ZNF385D: variants seen among roughly 807,000 people sequenced by gnomAD.
The protein encoded by ZNF385D is zinc finger protein 659.
In ZNF385D, 15 loss-of-function variants were observed where a neutral mutation model predicts 35.8. That is an observed-to-expected ratio of 0.42 (90% CI 0.28 to 0.64). The LOEUF (loss-of-function observed/expected upper bound fraction) is 0.64, where lower values mean the gene tolerates loss of function less well. ZNF385D is among the 30% of genes least tolerant of loss of function. The pLI is 0.23. For missense variants in ZNF385D, 474 were observed against 494.6 expected, an observed-to-expected ratio of 0.96 and a Z score of 0.39; for synonymous variants, 212 against 186.8, an observed-to-expected ratio of 1.13 and a Z score of -1.10.
intron 2 of ZNF385D, among the ~76,000 whole-genome samples, chr3:22,186,093 C>T (rs775652394): frequency 2.6e-5 from 4 of 152,110 alleles, no homozygotes; most frequent in Non-Finnish European, 5.9e-5. Flanking sequence ...TTTCCAAATT[C>T]TACTAGTTTT....
intron 3 of ZNF385D, among the ~76,000 whole-genome samples, chr3:22,123,791 G>A (rs1262583081): frequency 6.6e-6 from 1 of 152,014 alleles, no homozygotes; most frequent in Non-Finnish European, 1.5e-5. Context: ...GAACCCAAGA[G>A]GCGGAGGTTG....
At chr3:21,700,723 G>A (rs1268864193) in intron 1 of ZNF385D, among the ~76,000 whole-genome samples, 1 of 152,154 alleles carries the variant, frequency 6.6e-6, no homozygotes, top group Non-Finnish European at 1.5e-5. Flanking sequence ...CTTTTGGAAA[G>A]TTATTTAAAT....
At chr3:22,081,991 ATTT>A (rs67970020) in intron 3 of ZNF385D, among the ~76,000 whole-genome samples, 44,625 of 133,324 alleles carry the variant, frequency 0.33, 6,713 homozygotes, top group Non-Finnish European at 0.38. Context: ...GGGGTTTTCT[ATTT>A]TTTTTTTTTT....
At chr3:21,881,236 T>C (rs1226787109) in intron 3 of ZNF385D, among the ~76,000 whole-genome samples, 1 of 151,742 alleles carries the variant, frequency 6.6e-6, no homozygotes, top group African/African-American at 2.4e-5. Flanking sequence ...TTCATAGCTC[T>C]AAGGAAGTTA....
At chr3:22,132,015 G>A (rs1279796781) in intron 3 of ZNF385D, among the ~76,000 whole-genome samples, 1 of 152,132 alleles carries the variant, frequency 6.6e-6, no homozygotes, top group African/African-American at 2.4e-5. Flanking sequence ...TAGGAGAATT[G>A]CATTATATAA....
At chr3:21,659,180 A>T (rs2066161702) in intron 2 of ZNF385D, among the ~76,000 whole-genome samples, 2 of 152,072 alleles carry the variant, frequency 1.3e-5, no homozygotes, top group Admixed American at 6.6e-5. Context: ...ATGCCCAGTA[A>T]GTGAATCAGT....
intron 3 of ZNF385D, among the ~76,000 whole-genome samples, chr3:21,760,981 G>C (rs2070583445): frequency 6.6e-6 from 1 of 152,244 alleles, no homozygotes; most frequent in East Asian, 1.9e-4. Context: ...GACTTTAATG[G>C]TTAGGTCATA....
At chr3:21,497,922 C>G (rs909297597) in intron 4 of ZNF385D, among the ~76,000 whole-genome samples, 2 of 152,018 alleles carry the variant, frequency 1.3e-5, no homozygotes, top group Non-Finnish European at 2.9e-5. Context: ...CAAAGCAATC[C>G]TAAGCAAAAA....
intron 3 of ZNF385D, among the ~76,000 whole-genome samples, chr3:21,978,718 T>C (rs1383411925): frequency 2.0e-5 from 3 of 152,160 alleles, no homozygotes; most frequent in Non-Finnish European, 4.4e-5. Flanking sequence ...TAATCAAATT[T>C]ACATATTTAA....
chr3:22,190,451 G>A (rs1695940579), intron 2 of ZNF385D, among the ~76,000 whole-genome samples: 1 of 152,160 alleles, frequency 6.6e-6, no homozygotes, highest in Non-Finnish European at 1.5e-5. Flanking sequence ...AGTTCCTTTT[G>A]AAGTGTCTAG....
chr3:22,285,201 G>A (rs942130251), intron 2 of ZNF385D, among the ~76,000 whole-genome samples: 1 of 152,022 alleles, frequency 6.6e-6, no homozygotes, highest in African/African-American at 2.4e-5. Context: ...CTTCAAACAG[G>A]TTACTCTGTA....
intron 2 of ZNF385D, among the ~76,000 whole-genome samples, chr3:22,190,063 G>A (rs191780995): frequency 6.6e-6 from 1 of 152,210 alleles, no homozygotes; most frequent in Non-Finnish European, 1.5e-5. Flanking sequence ...CAATAAAAAT[G>A]GCCCAGTGGG....
chr3:21,896,777 G>A (rs1699160745), intron 3 of ZNF385D, among the ~76,000 whole-genome samples: 1 of 151,828 alleles, frequency 6.6e-6, no homozygotes, highest in Non-Finnish European at 1.5e-5. Context: ...CTTGACATTC[G>A]CACTAGGTTC....
intron 4 of ZNF385D, among the ~76,000 whole-genome samples, chr3:21,489,416 T>A (rs1559340818): frequency 6.6e-6 from 1 of 152,092 alleles, no homozygotes; most frequent in Non-Finnish European, 1.5e-5. Context: ...ACAGCAGATG[T>A]CTCAGGGCTC....
intron 2 of ZNF385D, among the ~76,000 whole-genome samples, chr3:22,185,060 G>C (rs750443123): frequency 1.3e-5 from 2 of 152,032 alleles, no homozygotes; most frequent in African/African-American, 2.4e-5. Flanking sequence ...CTGTACATTG[G>C]ATATTGTTAT....
chr3:22,094,409 T>TATATAA (rs1322231844), intron 3 of ZNF385D, among the ~76,000 whole-genome samples: 9 of 80,490 alleles, frequency 1.1e-4, no homozygotes, highest in Non-Finnish European at 2.6e-4. Flanking sequence ...TATATATATA[T>TATATAA]AAAGGCATTT....
intron 3 of ZNF385D, among the ~76,000 whole-genome samples, chr3:21,557,422 CAT>C (rs1404933284): frequency 4.6e-5 from 7 of 152,124 alleles, no homozygotes; most frequent in Admixed American, 2.6e-4. Flanking sequence ...TTGAGATAAT[CAT>C]GTGGTTTTTG....
intron 3 of ZNF385D, among the ~76,000 whole-genome samples, chr3:21,979,191 A>G (rs1389144926): frequency 1.3e-5 from 2 of 152,170 alleles, no homozygotes; most frequent in East Asian, 1.9e-4. Flanking sequence ...ATTTGTAAAA[A>G]GGAGGATATG....
intron 2 of ZNF385D, among the ~76,000 whole-genome samples, chr3:22,256,089 G>A (rs896047690): frequency 1.3e-5 from 2 of 151,698 alleles, no homozygotes; most frequent in Non-Finnish European, 2.9e-5. Context: ...CATGGTGGAT[G>A]CTTCCTGCCC....
Sources: allele counts gnomAD v4.1 joint callset (sites outside exome capture counted in the v4.1 genomes callset), GRCh38; gene constraint gnomAD v4.1.1; transcripts MANE v1.5; gene names NCBI Gene and HGNC (gene_info 2026-07-23, HGNC 2026-07-21).